The following CCDC88A variants were observed in gnomAD, a reference collection of about 807,000 sequenced individuals.
The protein encoded by CCDC88A is girdin.
In CCDC88A, 54 loss-of-function variants were observed where a neutral mutation model predicts 234.3. The observed-to-expected ratio is 0.23, with a 90% CI of 0.19 to 0.29. The LOEUF (loss-of-function observed/expected upper bound fraction) is 0.29, where lower values mean the gene tolerates loss of function less well. Ranked by LOEUF, CCDC88A falls within the 10% of genes least tolerant of loss-of-function variation. CCDC88A has a pLI of 1.00. For missense variants in CCDC88A, 1,832 were observed against 2,123.4 expected (o/e 0.86, Z 2.70); for synonymous variants, 753 against 737.8 (o/e 1.02, Z -0.33).
intron 29 of CCDC88A, among the ~76,000 whole-genome samples, chr2:55,298,126 A>G (rs1680413829): frequency 6.6e-6 from 1 of 152,210 alleles, no homozygotes; most frequent in South Asian, 2.1e-4. Flanking sequence ...GTGTTCCTTA[A>G]GAGTACGGAT....
chr2:55,401,843 T>A (rs547480129), intron 2 of CCDC88A, among the ~76,000 whole-genome samples: 12 of 152,096 alleles, frequency 7.9e-5, no homozygotes, highest in Non-Finnish European at 1.8e-4. Flanking sequence ...AAGATTAAGC[T>A]AGCAGTAGGG....
intron 2 of CCDC88A, among the ~76,000 whole-genome samples, chr2:55,406,774 AT>A (rs946528051): frequency 2.1e-5 from 3 of 143,720 alleles, no homozygotes; most frequent in Non-Finnish European, 4.6e-5. Flanking sequence ...AAAAAAAAAA[AT>A]CAAAGACTAG....
intron 5 of CCDC88A, 85 bp downstream of exon 5, chr2:55,372,367 C>T (rs987425925): frequency 1.5e-6 from 1 of 669,868 alleles, no homozygotes. Flanking sequence ...AATGGTCCAT[C>T]CTTAAGTCTT....
intron 4 of CCDC88A, among the ~76,000 whole-genome samples, chr2:55,373,142 G>GA (rs1296445442): frequency 6.6e-6 from 1 of 151,966 alleles, no homozygotes; most frequent in Admixed American, 6.6e-5. Context: ...TATTCAACTG[G>GA]AAAAAAATCA....
At chr2:55,372,079 C>T (rs987374975) in intron 5 of CCDC88A, among the ~76,000 whole-genome samples, 40 of 152,078 alleles carry the variant, frequency 2.6e-4, no homozygotes, top group African/African-American at 8.9e-4. Context: ...CCTCCCTTCC[C>T]TTCTCTTCTC....
At chr2:55,299,409 G>C (rs1158011416) in intron 29 of CCDC88A, among the ~76,000 whole-genome samples, 1 of 152,032 alleles carries the variant, frequency 6.6e-6, no homozygotes, top group Non-Finnish European at 1.5e-5. Context: ...TACACAAATA[G>C]TTGTTTCTCA....
At chr2:55,409,737 C>CTTTTTT (rs1355484053) in intron 2 of CCDC88A, among the ~76,000 whole-genome samples, 1 of 31,120 alleles carries the variant, frequency 3.2e-5, no homozygotes, top group African/African-American at 9.0e-5. Flanking sequence ...TATATACCTC[C>CTTTTTT]CTTTTTTTTT....
intron 2 of CCDC88A, among the ~76,000 whole-genome samples, chr2:55,395,728 C>G (rs77249390): frequency 6.6e-6 from 1 of 152,188 alleles, no homozygotes; most frequent in African/African-American, 2.4e-5. Flanking sequence ...TCTCAAAAAT[C>G]AGTTGACTAA....
chr2:55,372,505 C>A lies in CCDC88A; in HGVS notation c.349G>T (p.Gly117Cys). ...IIGKNPFSEQGTEEVKKLLLL... is the reference protein window; with the variant it reads ...IIGKNPFSEQCTEEVKKLLLL... ...AGCAGTTTTTTAACTTCTTCTGTGC[C>A]TTGTTCTAAAATAGAAACAATTATT... The change falls in exon 5 of 33, where the codon GGC (glycine) becomes TGC (cysteine). Residue 117 changes from glycine to cysteine, a missense_variant. Gly to Cys is a radical substitution (Grantham distance 159). Coordinates refer to ENST00000436346, the MANE Select transcript of CCDC88A (RefSeq NM_001365480.1). 1 of 1,483,984 alleles carries A rather than the reference C, an allele frequency of 6.7e-7. No individual in the cohort carries two copies. The highest frequency in any genetic ancestry group is 1.2e-5 in the South Asian group (1 of 85,196). 91.9% of individuals were successfully genotyped at this position (1,483,984 alleles called of 1,614,324 possible).
chr2:55,342,298 C>T (rs918256106), intron 12 of CCDC88A, among the ~76,000 whole-genome samples: 7 of 152,086 alleles, frequency 4.6e-5, no homozygotes, highest in African/African-American at 1.7e-4. Context: ...ATAAAAACTA[C>T]ATACACCACA....
chr2:55,372,161 G>T (rs1047239880), intron 5 of CCDC88A, among the ~76,000 whole-genome samples: 10 of 151,820 alleles, frequency 6.6e-5, no homozygotes, highest in Admixed American at 2.0e-4. Context: ...GTTTTTAAGG[G>T]CACCTCTGAA....
chr2:55,312,613 C>G (rs749876676), intron 22 of CCDC88A, 34 bp from the exon 23 acceptor site: 1 of 1,491,094 alleles, frequency 6.7e-7, no homozygotes, highest in African/African-American at 1.4e-5. Context: ...AAAAAATCAA[C>G]ATTTACATTT....
At chr2:55,410,667 T>C (rs536940310) in intron 2 of CCDC88A, among the ~76,000 whole-genome samples, 6 of 152,208 alleles carry the variant, frequency 3.9e-5, no homozygotes, top group African/African-American at 1.2e-4. Flanking sequence ...GTGGATAGCT[T>C]GAACCCAGGA....
At chr2:55,318,355 C>T (rs1032947632) in intron 19 of CCDC88A, among the ~76,000 whole-genome samples, 1 of 152,100 alleles carries the variant, frequency 6.6e-6, no homozygotes, top group African/African-American at 2.4e-5. Flanking sequence ...GAACTTGTTT[C>T]TGCTCTTTAA....
intron 16 of CCDC88A, among the ~76,000 whole-genome samples, chr2:55,331,608 T>G (rs1004522105): frequency 3.3e-5 from 5 of 152,100 alleles, no homozygotes; most frequent in Admixed American, 1.3e-4. Flanking sequence ...ATATACAACT[T>G]CTATTCCAGC....
At chr2:55,339,828 T>C in intron 12 of CCDC88A, 180 bp from the exon 13 acceptor site, 1 of 496,508 alleles carries the variant, frequency 2.0e-6, no homozygotes, top group Non-Finnish European at 3.4e-6. Context: ...TTTTTTCCTT[T>C]TCTTTTTTTC....
At chr2:55,406,652 G>A (rs1479744569) in intron 2 of CCDC88A, among the ~76,000 whole-genome samples, 2 of 152,016 alleles carry the variant, frequency 1.3e-5, no homozygotes, top group African/African-American at 2.4e-5. Flanking sequence ...CCAGTTACTC[G>A]TGAGGCTTAG....
Position 55,349,661 on chromosome 2 carries a change from G to T in CCDC88A, c.801-62C>A, listed in dbSNP as rs577517188. 9.4e-5 allele frequency: 104 copies of T among 1,101,006 alleles called. No individual in the cohort carries two copies. The South Asian group carries it at 1.3e-3, about 14-fold the overall frequency. The allele number at this position is 1,101,006 out of a possible 1,614,324, so 68.2% of individuals were successfully genotyped here. A position where few individuals can be genotyped will look rare whatever the true frequency, so the allele number is the denominator to read the frequency against. On this transcript the variant is annotated intron_variant, in intron 8 of 32. Coordinates refer to ENST00000436346, the MANE Select transcript of CCDC88A (RefSeq NM_001365480.1). ...TTTGAAAACTGTGATCATCATCTGC[G>T]TTAATATAAATGTATCATCATCACT...
intron 2 of CCDC88A, among the ~76,000 whole-genome samples, chr2:55,391,967 T>G (rs573892914): frequency 1.3e-5 from 2 of 152,326 alleles, no homozygotes; most frequent in Admixed American, 6.5e-5. Context: ...CAGCCTTTTG[T>G]TGATGTACAT....
Sources: allele counts gnomAD v4.1 joint callset (sites outside exome capture counted in the v4.1 genomes callset), GRCh38; gene constraint gnomAD v4.1.1; transcripts MANE v1.5; gene names NCBI Gene and HGNC (gene_info 2026-07-23, HGNC 2026-07-21).